Variants in CLIC4 observed in about 807,000 individuals in gnomAD.
CLIC4 encodes CLIC family member 4.
CLIC4 carries 13 observed loss-of-function variants against 24.6 expected under a neutral mutation model. The observed-to-expected ratio is 0.53, with a 90% CI of 0.34 to 0.84. The LOEUF (loss-of-function observed/expected upper bound fraction) is 0.84. Ranked by LOEUF, CLIC4 falls within the 40% of genes least tolerant of loss-of-function variation. The probability of loss-of-function intolerance (pLI) is 0.01; values close to 1 mark genes in which losing one functional copy is unlikely to be tolerated. For synonymous variants in CLIC4, 104 were observed against 111.3 expected (o/e 0.93, Z 0.41); for missense variants, 227 against 301.7 (o/e 0.75, Z 1.83).
chr1:24,825,913 C>T (rs1236606775), intron 3 of CLIC4, among the ~76,000 whole-genome samples: 1 of 152,138 alleles, frequency 6.6e-6, no homozygotes, highest in African/African-American at 2.4e-5. Context: ...TCTTATTGCT[C>T]CCAAGTCCAT....
At position 24,820,067 on chromosome 1, in the gene CLIC4, G is replaced by GTGTGTATATATATATATATA. The variant is rs1212033050; in HGVS notation, c.308+5849_308+5850insGTGTATATATATATATATAT. On this transcript the variant is annotated intron_variant, in intron 3 of 5. Coordinates refer to ENST00000374379, the MANE Select transcript of CLIC4 (RefSeq NM_013943.3). ...TACTTCAAAAAAAAAAAAAAAGTATGTATATATATATGTATATATATATAT... is the reference window on the plus strand; with the variant it reads ...TACTTCAAAAAAAAAAAAAAAGTATGTGTGTATATATATATATATATATATATATATGTATATATATATAT... Among the ~76,000 whole-genome samples, 295 of 36,404 alleles carry GTGTGTATATATATATATATA rather than the reference G, an allele frequency of 8.1e-3. 36 individuals carry two copies. The highest frequency in any genetic ancestry group is 0.011 in the Non-Finnish European group (215 of 19,144). 23.9% of individuals were successfully genotyped at this position (36,404 alleles called of 152,430 possible).
intron 1 of CLIC4, among the ~76,000 whole-genome samples, chr1:24,759,549 A>G (rs12029925): frequency 0.25 from 37,318 of 152,054 alleles, 5,152 homozygotes; most frequent in Admixed American, 0.34. Context: ...GGGAAATTAA[A>G]TGAGATAATT....
chr1:24,753,643 A>ACTAT (rs1214492075), intron 1 of CLIC4, among the ~76,000 whole-genome samples: 21 of 152,228 alleles, frequency 1.4e-4, no homozygotes, highest in Non-Finnish European at 3.1e-4. Flanking sequence ...CCAGGGAGAC[A>ACTAT]AGTTATTTAA....
Position 24,772,571 on chromosome 1 carries a change from C to T in CLIC4, c.73-25171C>T, listed in dbSNP as rs137886755. 3.6e-3 allele frequency among the ~76,000 whole-genome samples: 552 copies of T among 152,230 alleles called. 2 individuals are homozygous for T. The highest frequency in any genetic ancestry group is 0.012 in the African/African-American group (516 of 41,528). ...CACGATCTCAGCTCACTGCAGTCTC[C>T]GCCTCCCAGATTCAAGCGATTCTCC... On this transcript the variant is annotated intron_variant, in intron 1 of 5. Transcript: ENST00000374379.
At chr1:24,808,542 G>A (rs1181634558) in intron 2 of CLIC4, among the ~76,000 whole-genome samples, 1 of 150,796 alleles carries the variant, frequency 6.6e-6, no homozygotes, top group Non-Finnish European at 1.5e-5. Context: ...TTGAGACAGG[G>A]TCTCATTCTG....
At chr1:24,808,665 ATC>A (rs1639581024) in intron 2 of CLIC4, among the ~76,000 whole-genome samples, 1 of 142,156 alleles carries the variant, frequency 7.0e-6, no homozygotes, top group Non-Finnish European at 1.5e-5. Flanking sequence ...AGATCTATCT[ATC>A]TATCTATAAA....
chr1:24,816,449 G>A (rs558546099), intron 3 of CLIC4, among the ~76,000 whole-genome samples: 3 of 151,962 alleles, frequency 2.0e-5, no homozygotes, highest in African/African-American at 4.8e-5. Flanking sequence ...TGCCATTTTG[G>A]CCAGGCTGGT....
intron 3 of CLIC4, among the ~76,000 whole-genome samples, chr1:24,817,295 C>G (rs890382640): frequency 3.9e-5 from 6 of 152,218 alleles, no homozygotes; most frequent in African/African-American, 1.4e-4. Context: ...TCAGCTAGAT[C>G]TTCTAGATAG....
chr1:24,831,885 T>G (rs1557815530), intron 4 of CLIC4, among the ~76,000 whole-genome samples: 1 of 152,238 alleles, frequency 6.6e-6, no homozygotes, highest in Non-Finnish European at 1.5e-5. Flanking sequence ...GTGATCTACC[T>G]GCCTTGGCTT....
chr1:24,816,391 C>T (rs901263603), intron 3 of CLIC4, among the ~76,000 whole-genome samples: 1 of 151,926 alleles, frequency 6.6e-6, no homozygotes, highest in African/African-American at 2.4e-5. Context: ...AGGTGCCTGC[C>T]GCCATGACCA....
chr1:24,774,268 G>T (rs540549386), intron 1 of CLIC4, among the ~76,000 whole-genome samples: 1 of 151,512 alleles, frequency 6.6e-6, no homozygotes, highest in Non-Finnish European at 1.5e-5. Flanking sequence ...GAGCCACCAC[G>T]CCCAGCTAAG....
chr1:24,785,854 C>CAAAA (rs61009244), intron 1 of CLIC4, among the ~76,000 whole-genome samples: 1,287 of 58,564 alleles, frequency 0.022, no homozygotes, highest in Non-Finnish European at 0.028. Flanking sequence ...GACTACAACT[C>CAAAA]AAAAAAAAAA....
chr1:24,748,208 G>A (rs753284910), intron 1 of CLIC4, among the ~76,000 whole-genome samples: 19 of 152,116 alleles, frequency 1.2e-4, no homozygotes, highest in Non-Finnish European at 2.4e-4. Flanking sequence ...AGAGGGGCGT[G>A]TGCAGTTTTC....
chr1:24,805,301 G>A (rs887937075), intron 2 of CLIC4, among the ~76,000 whole-genome samples: 4 of 151,986 alleles, frequency 2.6e-5, no homozygotes, highest in Admixed American at 6.6e-5. Flanking sequence ...TAGTGACAAG[G>A]GGTCTTGGTG....
intron 4 of CLIC4, among the ~76,000 whole-genome samples, chr1:24,836,802 C>T (rs994991648): frequency 1.3e-5 from 2 of 152,184 alleles, no homozygotes; most frequent in African/African-American, 2.4e-5. Context: ...CGTGCCATTG[C>T]ACCCCAGCCT....
chr1:24,789,432 C>G (rs1639308440), intron 1 of CLIC4, among the ~76,000 whole-genome samples: 1 of 152,160 alleles, frequency 6.6e-6, no homozygotes, highest in Non-Finnish European at 1.5e-5. Context: ...ACAGGAGAAT[C>G]TCTTGAACTC....
At chr1:24,766,955 C>T (rs1378715074) in intron 1 of CLIC4, among the ~76,000 whole-genome samples, 1 of 147,938 alleles carries the variant, frequency 6.8e-6, no homozygotes. Flanking sequence ...CTTTTGGCTT[C>T]CCTGGGCCAC....
chr1:24,840,603 C>G (rs1190348472), intron 5 of CLIC4, among the ~76,000 whole-genome samples, 170 bp from the exon 6 acceptor site: 1 of 152,128 alleles, frequency 6.6e-6, no homozygotes, highest in Non-Finnish European at 1.5e-5. Flanking sequence ...AGCTTGCAGT[C>G]TTGGTCATTA....
At chr1:24,799,293 C>T (rs1351065217) in intron 2 of CLIC4, among the ~76,000 whole-genome samples, 19 of 149,398 alleles carry the variant, frequency 1.3e-4, no homozygotes, top group Admixed American at 4.6e-4. Flanking sequence ...AGCGCCTCTG[C>T]CCCGCCTCCC....
Sources: allele counts gnomAD v4.1 joint callset (sites outside exome capture counted in the v4.1 genomes callset), GRCh38; gene constraint gnomAD v4.1.1; transcripts MANE v1.5; gene names NCBI Gene and HGNC (gene_info 2026-07-23, HGNC 2026-07-21).